OTOF: variants seen among roughly 807,000 people sequenced by gnomAD.
OTOF encodes the protein otoferlin.
In OTOF, 218 loss-of-function variants were observed where a neutral mutation model predicts 236.8. The observed-to-expected ratio is 0.92, with a 90% CI of 0.82 to 1.03. The LOEUF (loss-of-function observed/expected upper bound fraction) is 1.03, where lower values mean the gene tolerates loss of function less well. Among genes scored for constraint, OTOF ranks in the 50% least tolerant of loss-of-function variants. The pLI, the probability that OTOF is intolerant of heterozygous loss-of-function variation, is 0.00. For missense variants in OTOF, 2,590 were observed against 2,694.4 expected (o/e 0.96, Z 0.86); for synonymous variants, 1,041 against 1,072.5 (o/e 0.97, Z 0.57).
At chr2:26,469,079 A>G (rs1004945542) in intron 32 of OTOF, among the ~76,000 whole-genome samples, 1 of 152,248 alleles carries the variant, frequency 6.6e-6, no homozygotes, top group African/African-American at 2.4e-5. Context: ...AACACCTTGC[A>G]ATAAATATTT....
chr2:26,480,664 C>G, intron 15 of OTOF, 122 bp downstream of exon 15: 1 of 807,366 alleles, frequency 1.2e-6, no homozygotes, highest in East Asian at 2.6e-5. Context: ...GAAGCCTTAT[C>G]CTGAGGTATG....
At chr2:26,459,893 T>C in intron 46 of OTOF, 115 bp downstream of exon 46, 1 of 992,260 alleles carries the variant, frequency 1.0e-6, no homozygotes, top group Non-Finnish European at 1.5e-6. Flanking sequence ...TGCTTGTGTG[T>C]GTTTGTGTGC....
intron 7 of OTOF, 31 bp from the exon 8 acceptor site, chr2:26,501,839 G>A: frequency 6.4e-7 from 1 of 1,571,742 alleles, no homozygotes; most frequent in Non-Finnish European, 8.8e-7. Flanking sequence ...TCAGGCCTGG[G>A]GTATGGGGAC....
intron 1 of OTOF, among the ~76,000 whole-genome samples, chr2:26,544,139 C>T (rs1667271776): frequency 6.6e-6 from 1 of 152,140 alleles, no homozygotes; most frequent in African/African-American, 2.4e-5. Context: ...TTTTCCTCAT[C>T]TTATATAATA....
At chr2:26,495,177 C>T (rs1351670423) in intron 8 of OTOF, 104 bp from the exon 9 acceptor site, 10 of 1,226,074 alleles carry the variant, frequency 8.2e-6, no homozygotes, top group East Asian at 4.8e-5. Flanking sequence ...AGGGAGGGCC[C>T]GGGAGCCAGC....
Position 26,501,783 on chromosome 2 carries a change from G to T in OTOF, c.736C>A (p.Pro246Thr). Residue 246 changes from proline (P) to threonine (T), a missense_variant, in exon 8 of 47, where the codon CCA becomes ACA. Around this residue, in one of 2 missense-constraint regions of OTOF, gnomAD observed 1,379 missense variants for 1,341.6 expected, o/e 1.03. Transcript: ENST00000272371. ...TAATCCATGGGCCGCCCAGCACTTGGCTCCATCTTAATGTCTGGCTTAGAT... is the reference window on the plus strand; with the variant it reads ...TAATCCATGGGCCGCCCAGCACTTGTCTCCATCTTAATGTCTGGCTTAGAT... The part of the protein sequence containing the change: ...KRSKPDIKME[P>T]SAGRPMDYQV... 6.2e-7 allele frequency: 1 copy of T among 1,613,780 alleles called. No homozygotes were observed. Among genetic ancestry groups the T allele is most frequent in the Non-Finnish European group, 8.5e-7 (1 of 1,179,680 alleles).
chr2:26,467,627 T>A, intron 33 of OTOF, 126 bp from the exon 34 acceptor site: 1 of 1,206,508 alleles, frequency 8.3e-7, no homozygotes, highest in Non-Finnish European at 1.2e-6. Flanking sequence ...TGCTGTCAAA[T>A]GCAGATAATA....
At chr2:26,488,826 C>G (rs1327389247) in intron 11 of OTOF, among the ~76,000 whole-genome samples, 1 of 152,232 alleles carries the variant, frequency 6.6e-6, no homozygotes, top group African/African-American at 2.4e-5. Context: ...AGGCAGGAGT[C>G]TGGGCGCAGC....
At chr2:26,483,743 T>G in intron 12 of OTOF, 95 bp from the exon 13 acceptor site, 23 of 1,126,212 alleles carry the variant, frequency 2.0e-5, no homozygotes, top group Non-Finnish European at 2.9e-5. Flanking sequence ...GCACAGTCTC[T>G]AAGGGACAGC....
intron 14 of OTOF, among the ~76,000 whole-genome samples, chr2:26,481,716 C>T (rs1261269583): frequency 6.6e-6 from 1 of 152,154 alleles, no homozygotes. Context: ...AGTTCCACCC[C>T]CTCAAAAGAA....
chr2:26,459,609 A>T (rs973358240), intron 46 of OTOF, among the ~76,000 whole-genome samples: 1 of 151,088 alleles, frequency 6.6e-6, no homozygotes, highest in Non-Finnish European at 1.5e-5. Flanking sequence ...CATGGCTGGG[A>T]GCAGAGGTGG....
At chr2:26,459,635 G>A (rs1664362913) in intron 46 of OTOF, among the ~76,000 whole-genome samples, 1 of 152,082 alleles carries the variant, frequency 6.6e-6, no homozygotes, top group Non-Finnish European at 1.5e-5. Context: ...AAAGAACACA[G>A]GATTGGAAAT....
intron 11 of OTOF, among the ~76,000 whole-genome samples, chr2:26,487,341 G>C (rs1665724847): frequency 6.6e-6 from 1 of 152,180 alleles, no homozygotes; most frequent in Non-Finnish European, 1.5e-5. Flanking sequence ...AGGCTCTCCT[G>C]TCCCTGGGAG....
In OTOF at chr2:26,474,536, G is replaced by T. The variant is rs200826848; in HGVS notation, c.3265C>A (p.Leu1089Met). The change falls in exon 26 of 47, where the codon CTG (leucine) becomes ATG (methionine). Residue 1089 changes from leucine to methionine, a missense_variant. By Grantham distance (15) the Leu-to-Met change is conservative. Around this residue, in one of 2 missense-constraint regions of OTOF, gnomAD observed 1,211 missense variants for 1,352.8 expected, o/e 0.90. Coordinates refer to ENST00000272371, the MANE Select transcript of OTOF (RefSeq NM_194248.3). The stretch of plus-strand genomic sequence containing the variant: ...ACCTGCAGCAGCTCGAAGGCCGCCA[G>T]CAGGTCTCCAGCTGTGGCGTTGCCA... ...YRGNATAGDL[L>M]AAFELLQIGP... 4 of 1,612,138 alleles carry T rather than the reference G, an allele frequency of 2.5e-6. No homozygotes were observed. The East Asian group carries it at 8.9e-5, about 36-fold the overall frequency.
chr2:26,517,260 T>A (rs1376732243), intron 4 of OTOF, among the ~76,000 whole-genome samples: 1 of 35,974 alleles, frequency 2.8e-5, no homozygotes, highest in African/African-American at 5.5e-5. Context: ...CAGCTCTAGT[T>A]TCCCCCCCAG....
intron 2 of OTOF, among the ~76,000 whole-genome samples, 157 bp downstream of exon 2, chr2:26,537,559 C>T (rs1667103396): frequency 6.6e-6 from 1 of 152,172 alleles, no homozygotes; most frequent in South Asian, 2.1e-4. Flanking sequence ...GCACACCCTC[C>T]TTACCACCTC....
intron 33 of OTOF, 42 bp downstream of exon 33, chr2:26,468,366 G>A (rs750164564): frequency 1.3e-6 from 2 of 1,505,732 alleles, no homozygotes; most frequent in Non-Finnish European, 1.8e-6. Flanking sequence ...GACCACCCAG[G>A]GGCGGGGAGG....
chr2:26,471,654 A>G (rs956767455), intron 30 of OTOF, among the ~76,000 whole-genome samples: 17 of 152,218 alleles, frequency 1.1e-4, no homozygotes, highest in Non-Finnish European at 4.4e-5. Flanking sequence ...CATTTGTTGG[A>G]GTAAAAATTA....
At chr2:26,484,669 C>T (rs1169085098) in intron 11 of OTOF, 36 bp from the exon 12 acceptor site, 3 of 1,609,768 alleles carry the variant, frequency 1.9e-6, no homozygotes, top group Non-Finnish European at 2.5e-6. Flanking sequence ...CACCAGACAC[C>T]CCCACCCAGA....
Sources: allele counts gnomAD v4.1 joint callset (sites outside exome capture counted in the v4.1 genomes callset), GRCh38; gene constraint gnomAD v4.1.1; regional missense constraint gnomAD v4.1.1; transcripts MANE v1.5; gene names NCBI Gene and HGNC (gene_info 2026-07-23, HGNC 2026-07-21).